RIT2: variants seen among roughly 807,000 people sequenced by gnomAD.
RIT2 encodes GTP-binding protein Rit2.
Under a neutral mutation model 23.7 loss-of-function variants are expected in RIT2, and 24 were observed. The ratio of observed to expected loss-of-function variants is 1.01; its 90% CI spans 0.73 to 1.43. RIT2 has a LOEUF of 1.43. Among genes scored for constraint, RIT2 ranks in the 40% most tolerant of loss-of-function variants. RIT2 has a pLI of 0.00. For missense variants in RIT2, 236 were observed against 266.9 expected, an observed-to-expected ratio of 0.88 and a Z score of 0.81; for synonymous variants, 107 against 91.1, an observed-to-expected ratio of 1.17 and a Z score of -0.99.
chr18:42,962,013 T>C (rs1471276192), intron 3 of RIT2, among the ~76,000 whole-genome samples: 1 of 152,118 alleles, frequency 6.6e-6, no homozygotes, highest in Non-Finnish European at 1.5e-5. Flanking sequence ...TTTTTATTGC[T>C]CCATAACACA....
At chr18:42,906,939 C>T (rs1032665032) in intron 4 of RIT2, among the ~76,000 whole-genome samples, 4 of 152,134 alleles carry the variant, frequency 2.6e-5, no homozygotes, top group Non-Finnish European at 2.9e-5. Context: ...GAATCTGATG[C>T]CTTGGAGGAG....
At chr18:43,062,977 G>T (rs749189797) in intron 1 of RIT2, among the ~76,000 whole-genome samples, 3 of 151,968 alleles carry the variant, frequency 2.0e-5, no homozygotes, top group Admixed American at 6.6e-5. Context: ...AAAAGGAAAG[G>T]CTAGGGACAT....
At chr18:42,795,063 C>T (rs8098030) in intron 4 of RIT2, among the ~76,000 whole-genome samples, 49,444 of 152,162 alleles carry the variant, frequency 0.32, 10,768 homozygotes, top group African/African-American at 0.61. Flanking sequence ...CTCCTGGTCG[C>T]ACTGAGAGGT....
intron 4 of RIT2, among the ~76,000 whole-genome samples, chr18:42,815,223 A>C (rs946834247): frequency 5.3e-5 from 8 of 152,218 alleles, no homozygotes; most frequent in African/African-American, 1.9e-4. Context: ...TAAGCTAGTC[A>C]GGGAGGCACC....
chr18:43,023,953 T>C (rs1256756571), intron 2 of RIT2, among the ~76,000 whole-genome samples: 10 of 152,056 alleles, frequency 6.6e-5, no homozygotes, highest in Non-Finnish European at 1.2e-4. Context: ...AAAGGAAATA[T>C]CAAGTGCACA....
chr18:42,840,780 C>A (rs186308511), intron 4 of RIT2, among the ~76,000 whole-genome samples: 63 of 152,334 alleles, frequency 4.1e-4, no homozygotes, highest in African/African-American at 1.5e-3. Context: ...GGGTTATAGG[C>A]GTGAGCCACC....
At chr18:42,792,742 G>A (rs1379928021) in intron 4 of RIT2, among the ~76,000 whole-genome samples, 1 of 152,078 alleles carries the variant, frequency 6.6e-6, no homozygotes, top group East Asian at 1.9e-4. Context: ...TTCATTTACT[G>A]TCCTATTCCA....
rs140706395 is a variant in RIT2, at chr18:43,079,609, A to G, written c.103+35808T>C. 1.6e-3 allele frequency among the ~76,000 whole-genome samples: 247 copies of G among 152,320 alleles called. 1 individual carries two copies. Among genetic ancestry groups the G allele is most frequent in the African/African-American group, 5.5e-3 (230 of 41,574 alleles). On this transcript the variant is annotated intron_variant, in intron 1 of 4. Coordinates refer to ENST00000326695, the MANE Select transcript of RIT2 (RefSeq NM_002930.4). ...CTTGGAAAAACTCCAAGCAAGGGAAACCTGACTTATGACAGAGGAATACAA... is the reference window on the plus strand; with the variant it reads ...CTTGGAAAAACTCCAAGCAAGGGAAGCCTGACTTATGACAGAGGAATACAA...
intron 2 of RIT2, among the ~76,000 whole-genome samples, chr18:42,987,801 C>T (rs141131101): frequency 2.0e-5 from 3 of 152,210 alleles, no homozygotes; most frequent in African/African-American, 7.2e-5. Context: ...TCAGGAAACA[C>T]ACTCATGGCA....
At position 42,994,706 on chromosome 18, in the gene RIT2, A is replaced by G. The variant is rs184609340; in HGVS notation, c.161-20559T>C. ...CTTTTTGTCCAAACAACTTGACCTT[A>G]CTGTTTTAGGCTGGCCATCATGTCT... On this transcript the variant is annotated intron_variant, in intron 2 of 4. Transcript: ENST00000326695. 7.7e-4 allele frequency among the ~76,000 whole-genome samples: 117 copies of G among 152,152 alleles called. 1 individual carries two copies. The highest frequency in any genetic ancestry group is 2.8e-4 in the Non-Finnish European group (19 of 67,994).
chr18:42,883,997 A>G (rs1907959051), intron 4 of RIT2, among the ~76,000 whole-genome samples: 1 of 152,230 alleles, frequency 6.6e-6, no homozygotes, highest in South Asian at 2.1e-4. Flanking sequence ...GCAAGCCAAT[A>G]AACTTCTATG....
At position 42,768,452 on chromosome 18, in the gene RIT2, CT is replaced by C. The variant is rs1188005848; in HGVS notation, c.427-24733del. Reference sequence around the variant, plus strand: ...AAAGCTCTTTGCATAACTATGATGCCTGAGAGTTCAGTGGAGGTTAGCCTAA... The same window carrying C: ...AAAGCTCTTTGCATAACTATGATGCCGAGAGTTCAGTGGAGGTTAGCCTAA... On this transcript the variant is annotated intron_variant, in intron 4 of 4. Coordinates refer to ENST00000326695, the MANE Select transcript of RIT2 (RefSeq NM_002930.4). Among the ~76,000 whole-genome samples, 3 of 152,098 alleles carry C rather than the reference CT, an allele frequency of 2.0e-5. No homozygotes were observed. The East Asian group carries it at 5.8e-4, about 29-fold the overall frequency.
intron 1 of RIT2, among the ~76,000 whole-genome samples, chr18:43,107,546 T>C (rs1913852379): frequency 6.6e-6 from 1 of 152,180 alleles, no homozygotes; most frequent in Non-Finnish European, 1.5e-5. Context: ...CAAAAATCGG[T>C]ATGGTTTACT....
intron 4 of RIT2, among the ~76,000 whole-genome samples, chr18:42,907,191 T>C (rs2144114338): frequency 6.6e-6 from 1 of 152,302 alleles, no homozygotes; most frequent in Non-Finnish European, 1.5e-5. Flanking sequence ...GGCAGATGTG[T>C]CAATAGATGA....
intron 1 of RIT2, among the ~76,000 whole-genome samples, chr18:43,099,182 T>C (rs1408904244): frequency 1.3e-5 from 2 of 152,070 alleles, no homozygotes; most frequent in Non-Finnish European, 2.9e-5. Context: ...TCTGAAGGTG[T>C]GGGCTCAGGC....
intron 2 of RIT2, among the ~76,000 whole-genome samples, chr18:43,010,591 C>A (rs999801258): frequency 6.6e-6 from 1 of 151,676 alleles, no homozygotes; most frequent in Non-Finnish European, 1.5e-5. Flanking sequence ...ATAATAGTTG[C>A]TTTTTAAAAC....
At chr18:42,960,483 T>A (rs1413821203) in intron 3 of RIT2, among the ~76,000 whole-genome samples, 1 of 152,046 alleles carries the variant, frequency 6.6e-6, no homozygotes, top group Non-Finnish European at 1.5e-5. Flanking sequence ...TTCAGCTAAT[T>A]TTTGTATTTT....
At chr18:42,854,250 A>G (rs968441467) in intron 4 of RIT2, among the ~76,000 whole-genome samples, 1 of 152,164 alleles carries the variant, frequency 6.6e-6, no homozygotes, top group African/African-American at 2.4e-5. Context: ...CAATTCTCCA[A>G]TCAATAGGTC....
At chr18:43,093,424 T>A (rs979203817) in intron 1 of RIT2, among the ~76,000 whole-genome samples, 1 of 152,090 alleles carries the variant, frequency 6.6e-6, no homozygotes, top group East Asian at 1.9e-4. Flanking sequence ...CAGCTACATT[T>A]CAGGGAAATG....
Sources: allele counts gnomAD v4.1 joint callset (sites outside exome capture counted in the v4.1 genomes callset), GRCh38; gene constraint gnomAD v4.1.1; transcripts MANE v1.5; gene names NCBI Gene and HGNC (gene_info 2026-07-23, HGNC 2026-07-21).